The following PTPRN2 variants were observed in gnomAD, a reference collection of about 807,000 sequenced individuals.
PTPRN2 encodes receptor-type tyrosine-protein phosphatase N2.
Under a neutral mutation model 118.8 loss-of-function variants are expected in PTPRN2, and 74 were observed. The ratio of observed to expected loss-of-function variants is 0.62; its 90% CI spans 0.52 to 0.76. The LOEUF (loss-of-function observed/expected upper bound fraction) is 0.76, where lower values mean the gene tolerates loss of function less well. Ranked by LOEUF, PTPRN2 falls within the 30% of genes least tolerant of loss-of-function variation. The probability of loss-of-function intolerance (pLI) is 0.00; values close to 1 mark genes in which losing one functional copy is unlikely to be tolerated. For synonymous variants in PTPRN2, 641 were observed against 608.0 expected, an observed-to-expected ratio of 1.05 and a Z score of -0.80; for missense variants, 1,481 against 1,394.4, an observed-to-expected ratio of 1.06 and a Z score of -0.99.
chr7:158,092,969 T>A (rs1280569215), intron 10 of PTPRN2, among the ~76,000 whole-genome samples: 2 of 152,236 alleles, frequency 1.3e-5, no homozygotes, highest in African/African-American at 4.8e-5. Context: ...ATTTTATAGA[T>A]GAATAAGTTG....
chr7:157,554,977 C>T (rs2150477217), intron 21 of PTPRN2, among the ~76,000 whole-genome samples: 1 of 151,714 alleles, frequency 6.6e-6, no homozygotes, highest in South Asian at 2.1e-4. Context: ...GGCGGGCGCC[C>T]CAGTGTGGCG....
chr7:157,712,370 AAAAAGGACC>A (rs1798688751), intron 12 of PTPRN2, among the ~76,000 whole-genome samples: 3 of 152,164 alleles, frequency 2.0e-5, no homozygotes, highest in African/African-American at 7.2e-5. Context: ...TGTAACTTGG[AAAAAGGACC>A]TTCACAGATG....
At chr7:158,472,436 C>G (rs1414217613) in intron 2 of PTPRN2, among the ~76,000 whole-genome samples, 1 of 152,138 alleles carries the variant, frequency 6.6e-6, no homozygotes, top group Middle Eastern at 3.2e-3. Flanking sequence ...AAATCTAACA[C>G]GATAACATAT....
chr7:157,759,406 G>A (rs532883894), intron 12 of PTPRN2, among the ~76,000 whole-genome samples: 70 of 152,380 alleles, frequency 4.6e-4, no homozygotes, highest in African/African-American at 1.6e-3. Flanking sequence ...ACTCCGGCAG[G>A]TGGGAGAACC....
At chr7:157,931,159 G>A (rs968584300) in intron 11 of PTPRN2, among the ~76,000 whole-genome samples, 4 of 152,256 alleles carry the variant, frequency 2.6e-5, no homozygotes, top group African/African-American at 7.2e-5. Context: ...ACCCACGCAC[G>A]GATAGGGTGG....
At chr7:157,821,354 G>T (rs1181619783) in intron 12 of PTPRN2, among the ~76,000 whole-genome samples, 1 of 152,212 alleles carries the variant, frequency 6.6e-6, no homozygotes, top group Non-Finnish European at 1.5e-5. Flanking sequence ...TTCACTCCAT[G>T]GCTGCCATTT....
At chr7:158,041,616 T>C (rs1367622497) in intron 11 of PTPRN2, among the ~76,000 whole-genome samples, 3 of 151,956 alleles carry the variant, frequency 2.0e-5, no homozygotes, top group Non-Finnish European at 1.5e-5. Flanking sequence ...CCAGCCTCGG[T>C]GACAGTCTAA....
At chr7:157,672,801 A>G (rs1005575074) in intron 13 of PTPRN2, among the ~76,000 whole-genome samples, 1 of 152,236 alleles carries the variant, frequency 6.6e-6, no homozygotes, top group Non-Finnish European at 1.5e-5. Context: ...TCAAATCCAC[A>G]TTCCACAAAC....
At chr7:158,319,422 A>C (rs796922174) in intron 2 of PTPRN2, among the ~76,000 whole-genome samples, 8,599 of 58,714 alleles carry the variant, frequency 0.15, 958 homozygotes, top group African/African-American at 0.2. Flanking sequence ...AGCCTCCCAC[A>C]CACACACACA....
intron 12 of PTPRN2, among the ~76,000 whole-genome samples, chr7:157,751,124 A>G (rs1483761161): frequency 6.6e-6 from 1 of 152,176 alleles, no homozygotes; most frequent in African/African-American, 2.4e-5. Flanking sequence ...GACGCCCAGT[A>G]GTAGGCTGGG....
chr7:158,270,799 C>G (rs1385159311), intron 3 of PTPRN2, among the ~76,000 whole-genome samples: 20 of 41,860 alleles, frequency 4.8e-4, no homozygotes, highest in East Asian at 1.6e-3. Flanking sequence ...CCACCTGGAC[C>G]ACCCCCTCAC....
rs1397804668 is a variant in PTPRN2 at position 157,787,664 on chromosome 7, C to T, written c.1789-104727G>A. Reference sequence around the variant, plus strand: ...CACTGACCGGGGCCTCCCTGGGACACCCTGAACACCTGCTCTGTGGGAGAC... The same window carrying T: ...CACTGACCGGGGCCTCCCTGGGACATCCTGAACACCTGCTCTGTGGGAGAC... On this transcript the variant is annotated intron_variant, in intron 12 of 22. Coordinates refer to ENST00000389418, the MANE Select transcript of PTPRN2 (RefSeq NM_002847.5). This position sits in a 1 kb window ranked among gnomAD's most constrained non-coding sequence, Gnocchi z 5.3. Among the ~76,000 whole-genome samples the T allele has an allele frequency of 6.6e-6, 1 of 152,132 alleles. No homozygotes were observed. Among genetic ancestry groups the T allele is most frequent in the Non-Finnish European group, 1.5e-5 (1 of 68,022 alleles).
At chr7:158,386,844 T>A (rs1386754353) in intron 2 of PTPRN2, among the ~76,000 whole-genome samples, 1 of 152,136 alleles carries the variant, frequency 6.6e-6, no homozygotes, top group Non-Finnish European at 1.5e-5. Flanking sequence ...TTAGCAAATC[T>A]GCTACCCTAG....
intron 12 of PTPRN2, among the ~76,000 whole-genome samples, chr7:157,867,487 G>A (rs1211146638): frequency 7.9e-6 from 1 of 126,524 alleles, no homozygotes; most frequent in Admixed American, 8.1e-5. Context: ...TGTCCCTGAC[G>A]CCCTGGATAC....
intron 9 of PTPRN2, among the ~76,000 whole-genome samples, chr7:158,131,415 T>C (rs1333284350): frequency 1.3e-5 from 1 of 75,942 alleles, no homozygotes; most frequent in South Asian, 5.2e-4. Context: ...CCAATACACA[T>C]CTACCCAACA....
At chr7:157,792,311 T>A (rs1280298732) in intron 12 of PTPRN2, among the ~76,000 whole-genome samples, 1 of 152,226 alleles carries the variant, frequency 6.6e-6, no homozygotes, top group Non-Finnish European at 1.5e-5. Flanking sequence ...GCGTACTTGC[T>A]ATACTCAGGC....
rs1399316932 is a variant in PTPRN2 at position 158,438,069 on chromosome 7, T to A, written c.163+51666A>T. Among the ~76,000 whole-genome samples the A allele has an allele frequency of 6.6e-6, 1 of 152,122 alleles. No homozygotes were observed. The highest frequency in any genetic ancestry group is 1.5e-5 in the Non-Finnish European group (1 of 67,992). On this transcript the variant is annotated intron_variant, in intron 2 of 22. Transcript: ENST00000389418. This position sits in a 1 kb window ranked among gnomAD's most constrained non-coding sequence, Gnocchi z 4.7. ...GGAGTGGGCTCCCTAACAGTGCCCC[T>A]CCGATGGGTCTTTTTTAAGTTTTTT...
intron 11 of PTPRN2, among the ~76,000 whole-genome samples, chr7:158,023,509 C>T (rs563171005): frequency 9.9e-5 from 15 of 152,270 alleles, no homozygotes; most frequent in South Asian, 6.2e-4. Flanking sequence ...TTTTCAAACA[C>T]GCACATTCTG....
At chr7:157,655,806 C>T (rs955778036) in intron 14 of PTPRN2, among the ~76,000 whole-genome samples, 10 of 152,224 alleles carry the variant, frequency 6.6e-5, no homozygotes, top group East Asian at 2.0e-4. Context: ...GCCACACACG[C>T]GTGATCACTC....
Sources: gnomAD v4.1 joint callset for allele counts (sites outside exome capture counted in the v4.1 genomes callset) on GRCh38, gnomAD v4.1.1 for gene constraint, Gnocchi (gnomAD v3.1) non-coding constraint, MANE v1.5 for transcripts, NCBI Gene and HGNC (gene_info 2026-07-23, HGNC 2026-07-21) for gene names.